Variants in EHD4 observed in about 807,000 individuals in gnomAD.
EHD4 encodes the protein EH domain-containing protein 4.
In EHD4, 37 loss-of-function variants were observed where a neutral mutation model predicts 51.0. The observed-to-expected ratio is 0.73, with a 90% confidence interval of 0.56 to 0.95. EHD4 has a LOEUF of 0.95. Ranked by LOEUF, EHD4 falls within the 40% of genes least tolerant of loss-of-function variation. EHD4 has a pLI of 0.00. For missense variants in EHD4, 632 were observed against 733.1 expected (o/e 0.86, Z 1.59); for synonymous variants, 297 against 317.3 (o/e 0.94, Z 0.68).
chr15:41,902,513 G>A (rs1403295326), intron 5 of EHD4, among the ~76,000 whole-genome samples: 1 of 152,088 alleles, frequency 6.6e-6, no homozygotes, highest in Non-Finnish European at 1.5e-5. Flanking sequence ...TGTAATGGAG[G>A]AAGGATACTC....
At chr15:41,917,847 A>T (rs1276201601) in intron 4 of EHD4, among the ~76,000 whole-genome samples, 5 of 152,234 alleles carry the variant, frequency 3.3e-5, no homozygotes, top group African/African-American at 4.8e-5. Context: ...GGAAGAACAG[A>T]TAAAGAAGGA....
chr15:41,923,346 T>G (rs1435187732), intron 3 of EHD4, among the ~76,000 whole-genome samples: 1 of 152,206 alleles, frequency 6.6e-6, no homozygotes, highest in Non-Finnish European at 1.5e-5. Flanking sequence ...TAGGTCGGCT[T>G]GATTCTTGTG....
At chr15:41,911,687 C>T (rs1846110008) in intron 4 of EHD4, among the ~76,000 whole-genome samples, 1 of 152,180 alleles carries the variant, frequency 6.6e-6, no homozygotes, top group Non-Finnish European at 1.5e-5. Flanking sequence ...AGGCTCACCC[C>T]ACCCTGGAGC....
At chr15:41,918,444 T>G (rs1410340490) in intron 4 of EHD4, among the ~76,000 whole-genome samples, 1 of 152,242 alleles carries the variant, frequency 6.6e-6, no homozygotes, top group Admixed American at 6.5e-5. Context: ...CACATATTTT[T>G]TAAAGAGCCA....
At chr15:41,953,654 G>A in intron 2 of EHD4, 110 bp downstream of exon 2, 1 of 1,186,216 alleles carries the variant, frequency 8.4e-7, no homozygotes, top group Non-Finnish European at 1.2e-6. Flanking sequence ...ATGACTTCTA[G>A]AGCAGAGATT....
intron 3 of EHD4, among the ~76,000 whole-genome samples, chr15:41,940,794 G>A (rs2067764709): frequency 6.6e-6 from 1 of 152,212 alleles, no homozygotes. Flanking sequence ...CAACACTATT[G>A]TAAGGGAGCT....
Position 41,952,118 on chromosome 15 carries a change from G to C in EHD4, c.413+1646C>G, listed in dbSNP as rs375888456. Among the ~76,000 whole-genome samples the C allele has an allele frequency of 5.9e-5, 9 of 152,366 alleles. No individual in the cohort carries two copies. In the East Asian group the frequency reaches 1.2e-3, roughly 20 times the overall value. On this transcript the variant is annotated intron_variant, in intron 2 of 5. Transcript: ENST00000220325. ...ATCTTCCACAGAAGGCACCTGCGGA[G>C]GGGCCTGGGTGGCCCTCAGCCGAGC...
At chr15:41,936,914 TCCAGGA>T (rs144197510) in intron 3 of EHD4, among the ~76,000 whole-genome samples, 2,063 of 152,328 alleles carry the variant, frequency 0.014, 39 homozygotes, top group African/African-American at 0.047. Context: ...GCTAGTGATG[TCCAGGA>T]CCTCACAACC....
chr15:41,939,024 C>T (rs370719755), intron 3 of EHD4, among the ~76,000 whole-genome samples: 15 of 152,226 alleles, frequency 9.9e-5, no homozygotes, highest in African/African-American at 3.4e-4. Flanking sequence ...GATAAGAGGT[C>T]GAGTGGGAAG....
rs1489710797 is a variant in EHD4, at chr15:41,896,156, G to T, written c.*4489C>A. ...ACACAGTGGAAAAAAATATCTAGTAGGAATAGGAAGGACTTCAGGTGAGGT... is the reference window on the plus strand; with the variant it reads ...ACACAGTGGAAAAAAATATCTAGTATGAATAGGAAGGACTTCAGGTGAGGT... On this transcript the variant is annotated 3_prime_UTR_variant, in exon 6 of 6. Transcript: ENST00000220325. 2 of 152,174 alleles carry T rather than the reference G, an allele frequency of 1.3e-5. No individual in the cohort carries two copies. Among genetic ancestry groups the T allele is most frequent in the South Asian group, 2.1e-4 (1 of 4,824 alleles). The allele number at this position is 152,174 out of a possible 1,614,324, so 9.4% of individuals were successfully genotyped here. A position where few individuals can be genotyped will look rare whatever the true frequency, so the allele number is the denominator to read the frequency against.
At chr15:41,911,182 A>C (rs2067547049) in intron 4 of EHD4, among the ~76,000 whole-genome samples, 1 of 152,216 alleles carries the variant, frequency 6.6e-6, no homozygotes, top group Non-Finnish European at 1.5e-5. Flanking sequence ...AGGTCAGACA[A>C]TGTCAACTTC....
At chr15:41,923,002 T>C (rs1381543382) in intron 3 of EHD4, among the ~76,000 whole-genome samples, 1 of 152,150 alleles carries the variant, frequency 6.6e-6, no homozygotes, top group African/African-American at 2.4e-5. Flanking sequence ...TGGGAGAGGT[T>C]GGTCTGCTTA....
At chr15:41,949,045 T>TATATATATATATATAC (rs2067834987) in intron 2 of EHD4, among the ~76,000 whole-genome samples, 1 of 102,618 alleles carries the variant, frequency 9.7e-6, no homozygotes, top group South Asian at 3.0e-4. Context: ...TATATATATA[T>TATATATATATATATAC]ATATATACAC....
chr15:41,911,325 G>A (rs2067547937), intron 4 of EHD4, among the ~76,000 whole-genome samples: 1 of 152,240 alleles, frequency 6.6e-6, no homozygotes, highest in African/African-American at 2.4e-5. Flanking sequence ...TTTTTCAAAT[G>A]AAGACAATTG....
At chr15:41,907,852 GTGTGTGTGTGTGTGTGTGTATA>G (rs1205991455) in intron 5 of EHD4, among the ~76,000 whole-genome samples, 10 of 102,808 alleles carry the variant, frequency 9.7e-5, no homozygotes, top group African/African-American at 3.3e-4. Context: ...GTGTGTGTGT[GTGTGTGTGTGTGTGTGTGTATA>G]TATTTATTTA....
chr15:41,919,759 G>C (rs1244193755), intron 3 of EHD4, 137 bp from the exon 4 acceptor site: 4 of 830,530 alleles, frequency 4.8e-6, no homozygotes, highest in Non-Finnish European at 3.3e-6. Context: ...GTGGAGGCCT[G>C]GTGACATGAA....
At chr15:41,907,856 G>A (rs912453144) in intron 5 of EHD4, among the ~76,000 whole-genome samples, 7 of 106,246 alleles carry the variant, frequency 6.6e-5, no homozygotes, top group East Asian at 2.9e-4. Flanking sequence ...GTGTGTGTGT[G>A]TGTGTGTGTG....
chr15:41,903,883 C>A lies in EHD4; in HGVS notation c.1090-2702G>T, dbSNP rs932685672. Among the ~76,000 whole-genome samples, 4 of 152,178 alleles carry A rather than the reference C, an allele frequency of 2.6e-5. No homozygotes were observed. The East Asian group carries it at 7.7e-4, about 29-fold the overall frequency. On this transcript the variant is annotated intron_variant, in intron 5 of 5. Transcript: ENST00000220325. The stretch of plus-strand genomic sequence containing the variant: ...CGTGTGGCCCCTGCTCAGCTCAGAG[C>A]AGCGGGTACTGCAGGCCGGGTCTCT...
At chr15:41,939,568 T>C (rs185955067) in intron 3 of EHD4, among the ~76,000 whole-genome samples, 3 of 152,060 alleles carry the variant, frequency 2.0e-5, no homozygotes, top group Admixed American at 2.0e-4. Flanking sequence ...CTTTAAGTCT[T>C]CCTAGACAAT....
Sources: gnomAD v4.1 joint callset for allele counts (sites outside exome capture counted in the v4.1 genomes callset) on GRCh38, gnomAD v4.1.1 for gene constraint, MANE v1.5 for transcripts, NCBI Gene and HGNC (gene_info 2026-07-23, HGNC 2026-07-21) for gene names.